The following NXN variants were observed in gnomAD, a reference collection of about 807,000 sequenced individuals.
NXN encodes nucleoredoxin.
In NXN, 16 loss-of-function variants were observed where a neutral mutation model predicts 48.6. The observed-to-expected ratio is 0.33, with a 90% CI of 0.22 to 0.50. The LOEUF (loss-of-function observed/expected upper bound fraction) is 0.50. Among genes scored for constraint, NXN ranks in the 20% least tolerant of loss-of-function variants. The probability of loss-of-function intolerance (pLI) is 0.98; values close to 1 mark genes in which losing one functional copy is unlikely to be tolerated. For missense variants in NXN, 492 were observed against 605.5 expected (o/e 0.81, Z 1.97); for synonymous variants, 281 against 269.6 (o/e 1.04, Z -0.41).
Position 800,849 on chromosome 17 carries a change from T to C in NXN, c.*100A>G. ...ACAGAGAGGCTGGACACTTGGGTGG[T>C]GGGATTCGGGGCACGCTGGGTAAGT... On this transcript the variant is annotated 3_prime_UTR_variant, in exon 8 of 8. Transcript: ENST00000336868. 1.4e-6 allele frequency: 1 copy of C among 738,754 alleles called. No individual in the cohort carries two copies. The highest frequency in any genetic ancestry group is 4.4e-5 in the South Asian group (1 of 22,866). The allele number at this position is 738,754 out of a possible 1,614,324, so 45.8% of individuals were successfully genotyped here.
intron 5 of NXN, among the ~76,000 whole-genome samples, chr17:806,194 C>G (rs1465856986): frequency 8.3e-6 from 1 of 120,132 alleles, no homozygotes; most frequent in Non-Finnish European, 1.7e-5. Context: ...ACCCCCTCCC[C>G]AGGGCTGCAG....
chr17:933,657 A>T (rs1272273558), intron 1 of NXN, among the ~76,000 whole-genome samples: 1 of 151,962 alleles, frequency 6.6e-6, no homozygotes. Flanking sequence ...TCCCCCTTTC[A>T]TCTTGGCCTC....
At chr17:834,800 T>C (rs377685453) in intron 1 of NXN, among the ~76,000 whole-genome samples, 12 of 151,732 alleles carry the variant, frequency 7.9e-5, no homozygotes, top group African/African-American at 2.9e-4. Flanking sequence ...GGATTACATG[T>C]GTGAGCCACT....
At position 839,350 on chromosome 17, in the gene NXN, G is replaced by A. The variant is rs536366627; in HGVS notation, c.361-13272C>T. Among the ~76,000 whole-genome samples, 13 of 152,094 alleles carry A rather than the reference G, an allele frequency of 8.5e-5. No individual in the cohort carries two copies. The South Asian group carries it at 2.3e-3, about 27-fold the overall frequency. ...CTCGGGAGGCTGAGACAGGAGAATCGCTTGAACCTGGGAGGCGGAGGTTGC... is the reference window on the plus strand; with the variant it reads ...CTCGGGAGGCTGAGACAGGAGAATCACTTGAACCTGGGAGGCGGAGGTTGC... On this transcript the variant is annotated intron_variant, in intron 1 of 7. Coordinates refer to ENST00000336868, the MANE Select transcript of NXN (RefSeq NM_022463.5).
rs567046001 is a variant in NXN at position 809,568 on chromosome 17, C to G, written c.821-4321G>C. Among the ~76,000 whole-genome samples, 258 of 152,204 alleles carry G rather than the reference C, an allele frequency of 1.7e-3. 1 individual carries two copies. The highest frequency in any genetic ancestry group is 5.9e-3 in the African/African-American group (247 of 41,518). On this transcript the variant is annotated intron_variant, in intron 5 of 7. Coordinates refer to ENST00000336868, the MANE Select transcript of NXN (RefSeq NM_022463.5). Reference sequence around the variant, plus strand: ...GGCTGTGACCCAGCCTTCTCTGCATCTGGATGGCAACGTGATCTGAGGCAG... The same window carrying G: ...GGCTGTGACCCAGCCTTCTCTGCATGTGGATGGCAACGTGATCTGAGGCAG...
At chr17:868,513 A>T (rs2068116796) in intron 1 of NXN, among the ~76,000 whole-genome samples, 1 of 151,230 alleles carries the variant, frequency 6.6e-6, no homozygotes, top group African/African-American at 2.4e-5. Flanking sequence ...TGTTTTTGAG[A>T]CGGAGTCTCG....
chr17:927,844 C>T (rs930232864), intron 1 of NXN, among the ~76,000 whole-genome samples: 3 of 152,072 alleles, frequency 2.0e-5, no homozygotes, highest in Non-Finnish European at 2.9e-5. Flanking sequence ...GCCCACTCGC[C>T]CCCTCACCAG....
rs938947516 is a variant in NXN, at chr17:917,747, A to G, written c.360+61572T>C. 9.2e-5 allele frequency among the ~76,000 whole-genome samples: 14 copies of G among 152,268 alleles called. No homozygotes were observed. The highest frequency in any genetic ancestry group is 3.4e-4 in the African/African-American group (14 of 41,572). On this transcript the variant is annotated intron_variant, in intron 1 of 7. Coordinates refer to ENST00000336868, the MANE Select transcript of NXN (RefSeq NM_022463.5). This position sits in a 1 kb window ranked among gnomAD's most constrained non-coding sequence, Gnocchi z 4.5. Reference sequence around the variant, plus strand: ...GGTTCCAGCCCTACAAGGGGCGCGTACTGGCACAACAGGCGGGCGTGGCTC... The same window carrying G: ...GGTTCCAGCCCTACAAGGGGCGCGTGCTGGCACAACAGGCGGGCGTGGCTC...
chr17:823,664 A>T lies in NXN; in HGVS notation c.580T>A (p.Ser194Thr). Residue 194 changes from serine (S) to threonine (T), a missense_variant, in exon 3 of 8, where the codon TCT becomes ACT. Coordinates refer to ENST00000336868, the MANE Select transcript of NXN (RefSeq NM_022463.5). ...GCGGAGAAATAGACGCCCACGTGAGACCCCTCCAGGCTGCTGCTCTCCAGA... is the reference window on the plus strand; with the variant it reads ...GCGGAGAAATAGACGCCCACGTGAGTCCCCTCCAGGCTGCTGCTCTCCAGA... Reference protein sequence around the residue: ...QSLESSSLEGSHVGVYFSAHW... With the variant: ...QSLESSSLEGTHVGVYFSAHW... 2.5e-6 allele frequency: 4 copies of T among 1,613,970 alleles called. No homozygotes were observed. The highest frequency in any genetic ancestry group is 3.4e-6 in the Non-Finnish European group (4 of 1,180,010).
chr17:802,810 G>A (rs968804934), intron 7 of NXN, among the ~76,000 whole-genome samples: 4 of 152,208 alleles, frequency 2.6e-5, no homozygotes, highest in African/African-American at 7.2e-5. Flanking sequence ...TCTGGCTGCC[G>A]CCTGCCTCCT....
Position 958,810 on chromosome 17 carries a change from T to C in NXN, c.360+20509A>G, listed in dbSNP as rs1339696707. On this transcript the variant is annotated intron_variant, in intron 1 of 7. Coordinates refer to ENST00000336868, the MANE Select transcript of NXN (RefSeq NM_022463.5). The surrounding 1 kb of genome is among the most constrained non-coding windows in gnomAD (Gnocchi z 6.9). ...TAGCTGGGGAGGTGGTGAGCTCCTG[T>C]AGTCTCAGCTTCTCAGGGGGCTGAG... Among the ~76,000 whole-genome samples the C allele has an allele frequency of 6.6e-6, 1 of 152,030 alleles. No homozygotes were observed. Among genetic ancestry groups the C allele is most frequent in the Non-Finnish European group, 1.5e-5 (1 of 68,002 alleles).
Position 825,895 on chromosome 17 carries a change from G to T in NXN, c.478+66C>A. 9.7e-7 allele frequency: 1 copy of T among 1,027,004 alleles called. No individual in the cohort carries two copies. Among genetic ancestry groups the T allele is most frequent in the Non-Finnish European group, 1.5e-6 (1 of 668,582 alleles). 63.6% of individuals were successfully genotyped at this position (1,027,004 alleles called of 1,614,324 possible). On this transcript the variant is annotated intron_variant, in intron 2 of 7. Coordinates refer to ENST00000336868, the MANE Select transcript of NXN (RefSeq NM_022463.5). This position sits in a 1 kb window ranked among gnomAD's most constrained non-coding sequence, Gnocchi z 4.1. ...CTCTCCACCGGTGGGACGGAGATTA[G>T]CCTAAGGGCATGGAGGAGGGAGGGC...
chr17:819,095 C>G, intron 5 of NXN: 1 of 330,354 alleles, frequency 3.0e-6, no homozygotes, highest in East Asian at 9.7e-5. Flanking sequence ...TACAGGCACC[C>G]GCCACCACGC....
intron 1 of NXN, among the ~76,000 whole-genome samples, chr17:924,629 A>ATC (rs1361782609): frequency 1.3e-5 from 2 of 152,210 alleles, no homozygotes; most frequent in African/African-American, 2.4e-5. Flanking sequence ...CATTAGGTGC[A>ATC]TCTCCTGTTC....
At chr17:808,360 T>A (rs908775496) in intron 5 of NXN, among the ~76,000 whole-genome samples, 2 of 150,858 alleles carry the variant, frequency 1.3e-5, no homozygotes, top group African/African-American at 4.9e-5. Flanking sequence ...TGGAGTGCAG[T>A]GGCGCGATCT....
chr17:948,409 G>T (rs1050870379), intron 1 of NXN, among the ~76,000 whole-genome samples: 2 of 152,114 alleles, frequency 1.3e-5, no homozygotes, highest in Admixed American at 1.3e-4. Context: ...ATGTACACGG[G>T]TTATATGTAA....
rs1483984653 is a variant in NXN, at chr17:978,034, G to A, written c.360+1285C>T. On this transcript the variant is annotated intron_variant, in intron 1 of 7. Transcript: ENST00000336868. The surrounding 1 kb of genome is among the most constrained non-coding windows in gnomAD (Gnocchi z 4.1). The stretch of plus-strand genomic sequence containing the variant: ...TACCTCCCACTGCTTCGGGATGGAT[G>A]ATTTACTCAAGACATTTGGGGTCAC... Among the ~76,000 whole-genome samples the A allele has an allele frequency of 1.3e-5, 2 of 152,214 alleles. No homozygotes were observed. The highest frequency in any genetic ancestry group is 6.5e-5 in the Admixed American group (1 of 15,276).
chr17:885,245 C>T (rs549813430), intron 1 of NXN, among the ~76,000 whole-genome samples: 31 of 152,236 alleles, frequency 2.0e-4, no homozygotes, highest in Admixed American at 3.9e-4. Flanking sequence ...GGGCGGATCA[C>T]GAGGTCAGAG....
chr17:977,502 G>A (rs186242003), intron 1 of NXN, among the ~76,000 whole-genome samples: 21 of 152,130 alleles, frequency 1.4e-4, no homozygotes, highest in Admixed American at 2.0e-4. Flanking sequence ...CTCCTTTTTC[G>A]GAAAAAGCTC....
Sources: gnomAD v4.1 joint callset for allele counts (sites outside exome capture counted in the v4.1 genomes callset) on GRCh38, gnomAD v4.1.1 for gene constraint, Gnocchi (gnomAD v3.1) non-coding constraint, MANE v1.5 for transcripts, NCBI Gene and HGNC (gene_info 2026-07-23, HGNC 2026-07-21) for gene names.